Variants in FARSA observed in about 807,000 individuals in gnomAD.
FARSA encodes phenylalanine--tRNA ligase alpha subunit.
Under a neutral mutation model 63.2 loss-of-function variants are expected in FARSA, and 37 were observed. That is an observed-to-expected ratio of 0.59 (90% CI 0.45 to 0.77). FARSA has a LOEUF of 0.77. Ranked by LOEUF, FARSA falls within the 30% of genes least tolerant of loss-of-function variation. The probability of loss-of-function intolerance (pLI) is 0.00; values close to 1 mark genes in which losing one functional copy is unlikely to be tolerated. For missense variants in FARSA, 618 were observed against 696.6 expected, an observed-to-expected ratio of 0.89 and a Z score of 1.27; for synonymous variants, 312 against 285.1, an observed-to-expected ratio of 1.09 and a Z score of -0.95.
At chr19:12,928,202 C>G in intron 7 of FARSA, 140 bp downstream of exon 7, 1 of 655,734 alleles carries the variant, frequency 1.5e-6, no homozygotes, top group South Asian at 1.9e-5. Context: ...GCCTTGGCCT[C>G]CCAAATAGCC....
At position 12,922,658 on chromosome 19, in the gene FARSA, G is replaced by T; in HGVS notation, c.*90C>A. ...GAAGGTGGGGGCTGGCCTCACAGAG[G>T]CCTCATAAATACAAGGTCACTGGCC... is the stretch of plus-strand genomic sequence containing the variant. On this transcript the variant is annotated 3_prime_UTR_variant, in exon 13 of 13. Transcript: ENST00000314606. The T allele has an allele frequency of 6.5e-7, 1 of 1,529,472 alleles. No individual in the cohort carries two copies. The highest frequency in any genetic ancestry group is 1.4e-5 in the African/African-American group (1 of 73,408). The allele number at this position is 1,529,472 out of a possible 1,614,324, so 94.7% of individuals were successfully genotyped here.
chr19:12,922,802 G>A lies in FARSA; in HGVS notation c.1473C>T (p.Pro491=), dbSNP rs771618775. 2 of 1,614,138 alleles carry A rather than the reference G, an allele frequency of 1.2e-6. No homozygotes were observed. Among genetic ancestry groups the A allele is most frequent in the South Asian group, 2.2e-5 (2 of 91,084 alleles). Residue 491 remains proline, a synonymous_variant, in exon 13 of 13, where the codon CCC becomes CCT. Transcript: ENST00000314606. ...TCGGCTCGGCATCCAGGCGGCACAG[G>A]GGACTGTCATACACCATCTGCAGGT... The part of the protein sequence containing the change: ...KVNLQMVYDS[P]LCRLDAEPRP...
intron 1 of FARSA, among the ~76,000 whole-genome samples, chr19:12,932,225 G>T (rs1295514645): frequency 6.6e-6 from 1 of 151,858 alleles, no homozygotes; most frequent in Non-Finnish European, 1.5e-5. Flanking sequence ...TAGAGACAGG[G>T]TTTCATCATC....
intron 1 of FARSA, among the ~76,000 whole-genome samples, chr19:12,931,964 G>A (rs1326973954): frequency 1.3e-5 from 2 of 151,912 alleles, no homozygotes; most frequent in East Asian, 1.9e-4. Flanking sequence ...TACCTCAGAT[G>A]ATTTTAAGGA....
Position 12,924,804 on chromosome 19 carries a change from G to A in FARSA, c.1030C>T (p.Pro344Ser). 5 of 1,608,152 alleles carry A rather than the reference G, an allele frequency of 3.1e-6. No homozygotes were observed. The highest frequency in any genetic ancestry group is 3.4e-6 in the Non-Finnish European group (4 of 1,175,794). The part of the protein sequence containing the change: ...RALYRLAQKK[P>S]FTPVKYFSID... ...GAGAAGTACTTGACCGGAGTGAAGG[G>A]CTTCTAGGGGTGACAACCGAGCCAG... is the stretch of plus-strand genomic sequence containing the variant. The change falls in exon 10 of 13, where the codon CCC becomes TCC. Residue 344 changes from proline (P) to serine (S), a missense_variant. Pro to Ser is a moderately conservative substitution (Grantham distance 74). Coordinates refer to ENST00000314606, the MANE Select transcript of FARSA (RefSeq NM_004461.3). The surrounding 1 kb of genome is among the most constrained non-coding windows in gnomAD (Gnocchi z 6.4).
At chr19:12,929,945 G>T (rs887159279) in intron 4 of FARSA, among the ~76,000 whole-genome samples, 5 of 152,210 alleles carry the variant, frequency 3.3e-5, no homozygotes, top group African/African-American at 1.2e-4. Context: ...AACTCAAGGG[G>T]AGAGGAGGGC....
In FARSA at chr19:12,924,978, C is replaced by T. The variant is rs753647514; in HGVS notation, c.952G>A (p.Glu318Lys). 7.4e-6 allele frequency: 12 copies of T among 1,614,080 alleles called. No homozygotes were observed. Among genetic ancestry groups the T allele is most frequent in the East Asian group, 4.5e-5 (2 of 44,890 alleles). Residue 318 changes from glutamate (E) to lysine (K), a missense_variant, in exon 9 of 13, where the codon GAG (glutamate) becomes AAG (lysine). Coordinates refer to ENST00000314606, the MANE Select transcript of FARSA (RefSeq NM_004461.3). The surrounding 1 kb of genome is among the most constrained non-coding windows in gnomAD (Gnocchi z 6.4). ...GTTCGCAGTAGGTTTTTCCGGGCCT[C>T]GTCCAGCTTCCAGTTATACTTGTAC... Reference protein sequence around the residue: ...QGYKYNWKLDEARKNLLRTHT... With the variant: ...QGYKYNWKLDKARKNLLRTHT...
At chr19:12,926,416 C>T (rs1312082182) in intron 7 of FARSA, among the ~76,000 whole-genome samples, 6 of 151,972 alleles carry the variant, frequency 3.9e-5, no homozygotes, top group African/African-American at 7.2e-5. Flanking sequence ...GGACTACAGG[C>T]GCCCGCCACT....
At chr19:12,928,951 T>A in intron 4 of FARSA, 104 bp from the exon 5 acceptor site, 1 of 981,380 alleles carries the variant, frequency 1.0e-6, no homozygotes, top group Non-Finnish European at 1.6e-6. Context: ...CAAGTCACTC[T>A]GCTTTATTTC....
In FARSA at chr19:12,924,529, G is replaced by C. The variant is rs1326481510; in HGVS notation, c.1196-3C>G. Reference sequence around the variant, plus strand: ...CTTGAAGCGGAGTTGCGTGATACCTGCAGGAAGTGGGGGGCGGGCAGGAGA... The same window carrying C: ...CTTGAAGCGGAGTTGCGTGATACCTCCAGGAAGTGGGGGGCGGGCAGGAGA... On this transcript the variant is annotated splice_region_variant and splice_polypyrimidine_tract_variant and intron_variant, in intron 10 of 12. Coordinates refer to ENST00000314606, the MANE Select transcript of FARSA (RefSeq NM_004461.3). This position sits in a 1 kb window ranked among gnomAD's most constrained non-coding sequence, Gnocchi z 6.4. 6.2e-7 allele frequency: 1 copy of C among 1,613,412 alleles called. No homozygotes were observed. Among genetic ancestry groups the C allele is most frequent in the Admixed American group, 1.7e-5 (1 of 60,006 alleles).
intron 7 of FARSA, among the ~76,000 whole-genome samples, chr19:12,925,532 A>G (rs928339749): frequency 6.8e-6 from 1 of 146,434 alleles, no homozygotes; most frequent in Non-Finnish European, 1.5e-5. Flanking sequence ...AAATTTTTGT[A>G]TTTTTAGTAG....
intron 4 of FARSA, 66 bp downstream of exon 4, chr19:12,930,157 C>G: frequency 7.8e-7 from 1 of 1,286,006 alleles, no homozygotes; most frequent in Non-Finnish European, 1.1e-6. Flanking sequence ...ATGTCTCCCT[C>G]CCACCATGCC....
chr19:12,929,043 C>A (rs1341405787), intron 4 of FARSA, among the ~76,000 whole-genome samples, 196 bp from the exon 5 acceptor site: 4 of 152,192 alleles, frequency 2.6e-5, no homozygotes, highest in African/African-American at 9.6e-5. Flanking sequence ...ATTCATTCAA[C>A]ACTTACTGAG....
In FARSA at chr19:12,928,734, G is replaced by A. The variant is rs769244174; in HGVS notation, c.596+21C>T. On this transcript the variant is annotated intron_variant, in intron 5 of 12. Coordinates refer to ENST00000314606, the MANE Select transcript of FARSA (RefSeq NM_004461.3). Reference sequence around the variant, plus strand: ...CCCTGCCCCAGCTCCCACCTGCCCTGACCCTGGGGTTGCCTGCTACCTGGA... The same window carrying A: ...CCCTGCCCCAGCTCCCACCTGCCCTAACCCTGGGGTTGCCTGCTACCTGGA... 3 of 1,613,946 alleles carry A rather than the reference G, an allele frequency of 1.9e-6. No homozygotes were observed. The African/African-American group carries it at 4.0e-5, about 22-fold the overall frequency.
At chr19:12,932,488 C>T (rs1355728069) in intron 1 of FARSA, among the ~76,000 whole-genome samples, 1 of 152,188 alleles carries the variant, frequency 6.6e-6, no homozygotes. Context: ...CTCTCCTCTG[C>T]ATTGAGGACT....
Position 12,933,183 on chromosome 19 carries a change from T to C in FARSA, c.147+367A>G. The C allele has an allele frequency of 1.1e-5, 3 of 269,822 alleles. No homozygotes were observed. In the South Asian group the frequency reaches 1.3e-4, roughly 12 times the overall value. The allele number at this position is 269,822 out of a possible 1,614,324, so 16.7% of individuals were successfully genotyped here. A position where few individuals can be genotyped will look rare whatever the true frequency, so the allele number is the denominator to read the frequency against. On this transcript the variant is annotated intron_variant, in intron 1 of 12. Coordinates refer to ENST00000314606, the MANE Select transcript of FARSA (RefSeq NM_004461.3). ...TCAGCCGTCACCTGCACCAGGCCGCTCTCCCTGACCCCCAAGGCTGGGTCA... is the reference window on the plus strand; with the variant it reads ...TCAGCCGTCACCTGCACCAGGCCGCCCTCCCTGACCCCCAAGGCTGGGTCA...
At chr19:12,932,861 C>A (rs1239474989) in intron 1 of FARSA, 1 of 152,430 alleles carries the variant, frequency 6.6e-6, no homozygotes, top group Admixed American at 6.5e-5. Context: ...CCCACCTCCC[C>A]CAAGCTTCCT....
At chr19:12,923,677 G>A (rs749660028) in intron 12 of FARSA, among the ~76,000 whole-genome samples, 10 of 152,088 alleles carry the variant, frequency 6.6e-5, no homozygotes, top group Non-Finnish European at 1.0e-4. Context: ...ATGAGGTTTC[G>A]CCATGTTGGC....
chr19:12,928,592 T>C lies in FARSA; in HGVS notation c.668A>G (p.His223Arg). ...GCGGACCTTGAGCAGCGGGTGAAGG[T>C]GGCCGCTGTCGGGGAGGACACCGTG... ...LAHGVLPDSG[H>R]LHPLLKVRSQ... The change falls in exon 6 of 13, where the codon CAC becomes CGC. Residue 223 changes from histidine to arginine, a missense_variant. Physicochemically the swap from His to Arg is conservative, Grantham distance 29. Coordinates refer to ENST00000314606, the MANE Select transcript of FARSA (RefSeq NM_004461.3). 1 of 1,613,340 alleles carries C rather than the reference T, an allele frequency of 6.2e-7. No homozygotes were observed. The highest frequency in any genetic ancestry group is 8.5e-7 in the Non-Finnish European group (1 of 1,179,670).
Sources: gnomAD v4.1 joint callset for allele counts (sites outside exome capture counted in the v4.1 genomes callset) on GRCh38, gnomAD v4.1.1 for gene constraint, Gnocchi (gnomAD v3.1) non-coding constraint, MANE v1.5 for transcripts, NCBI Gene and HGNC (gene_info 2026-07-23, HGNC 2026-07-21) for gene names.